Variants in SP140 observed in about 807,000 individuals in gnomAD.
The protein encoded by SP140 is SP140 nuclear body protein, also known as nuclear body protein SP140.
SP140 carries 81 observed loss-of-function variants against 125.0 expected under a neutral mutation model. The ratio of observed to expected loss-of-function variants is 0.65; its 90% CI spans 0.54 to 0.78. SP140 has a LOEUF of 0.78. Among genes scored for constraint, SP140 ranks in the 30% least tolerant of loss-of-function variants. The pLI, the probability that SP140 is intolerant of heterozygous loss-of-function variation, is 0.00. For missense variants in SP140, 858 were observed against 1,037.0 expected (o/e 0.83, Z 2.37); for synonymous variants, 312 against 354.0 (o/e 0.88, Z 1.33).
chr2:230,299,833 C>T (rs931589115), intron 22 of SP140, among the ~76,000 whole-genome samples: 2 of 152,248 alleles, frequency 1.3e-5, no homozygotes, highest in African/African-American at 4.8e-5. Flanking sequence ...AAGCCTGTCA[C>T]TGCCGGCTTC....
intron 12 of SP140, among the ~76,000 whole-genome samples, chr2:230,262,579 G>A (rs1162930557): frequency 1.3e-5 from 2 of 152,030 alleles, no homozygotes; most frequent in Non-Finnish European, 2.9e-5. Context: ...TCTGATGTAG[G>A]TGTTCAGGGC....
chr2:230,300,352 C>A (rs1011815067), intron 22 of SP140, among the ~76,000 whole-genome samples: 1 of 152,152 alleles, frequency 6.6e-6, no homozygotes, highest in Admixed American at 6.5e-5. Flanking sequence ...TTTGAGAAAA[C>A]CAGTGTACTA....
At chr2:230,225,687 A>C (rs759597114), upstream of SP140, 2 of 696,132 alleles carry the variant, frequency 2.9e-6, no homozygotes, top group Non-Finnish European at 5.3e-6. Flanking sequence ...TGGAGGGAGG[A>C]CTGTAGAGTT....
chr2:230,230,525 G>T (rs1047725007), intron 1 of SP140: 4 of 152,194 alleles, frequency 2.6e-5, no homozygotes, highest in Non-Finnish European at 5.9e-5. Flanking sequence ...AGAGCAAGGA[G>T]GGGGTAAGTT....
Position 230,269,902 on chromosome 2 carries a change from C to T in SP140, c.1393C>T (p.Pro465Ser), listed in dbSNP as rs748570662. The stretch of plus-strand genomic sequence containing the variant: ...TGTCATGTGTTTCTCAGAAGAGGTG[C>T]CAGGAAGCCCAGAAGCAAGGACGGA... ...SCVMCFSEEV[P>S]GSPEARTESD... The change falls in exon 14 of 27, where the codon CCA becomes TCA. Residue 465 changes from proline (P) to serine (S), a missense_variant. By Grantham distance (74) the Pro-to-Ser change is moderately conservative (BLOSUM62 -1). This residue lies in a region of SP140 where 791 missense variants were observed against 869.5 expected (regional missense o/e 0.91). Transcript: ENST00000392045. 2.5e-6 allele frequency: 4 copies of T among 1,613,940 alleles called. No individual in the cohort carries two copies. In the Admixed American group the frequency reaches 6.7e-5, roughly 27 times the overall value.
chr2:230,224,450 AGAGGGAGAGG>A (rs1269857018), upstream of SP140, among the ~76,000 whole-genome samples: 23 of 81,286 alleles, frequency 2.8e-4, no homozygotes, highest in Admixed American at 6.7e-4. Context: ...GGAGGGAGAG[AGAGGGAGAGG>A]GAGGGAGAGG....
Position 230,247,941 on chromosome 2 carries a change from T to C in SP140, c.768T>C (p.Asp256=), listed in dbSNP as rs767091063. 22 of 1,613,502 alleles carry C rather than the reference T, an allele frequency of 1.4e-5. No homozygotes were observed. Among genetic ancestry groups the C allele is most frequent in the Middle Eastern group, 1.6e-4 (1 of 6,076 alleles). Residue 256 remains aspartate (D), a synonymous_variant, in exon 8 of 27, where the codon GAT becomes GAC. Coordinates refer to ENST00000392045, the MANE Select transcript of SP140 (RefSeq NM_007237.5). The stretch of plus-strand genomic sequence containing the variant: ...TTCTAGAAAGCAACGGGATGATAGA[T>C]GCGGCAAGGACATACAGCACAGCAC... ...TEVLESNGMI[D]AARTYSTAPG...
chr2:230,261,385 A>C (rs908582490), intron 12 of SP140, among the ~76,000 whole-genome samples: 3 of 152,166 alleles, frequency 2.0e-5, no homozygotes, highest in Non-Finnish European at 2.9e-5. Context: ...GTATACAGTC[A>C]TATCATCAGC....
intron 15 of SP140, among the ~76,000 whole-genome samples, chr2:230,280,706 A>G (rs954011248): frequency 6.6e-5 from 10 of 152,178 alleles, no homozygotes; most frequent in African/African-American, 1.9e-4. Context: ...TGGTTTCACT[A>G]CAAACTGAAC....
chr2:230,212,495 T>C, intron 1 of SP140: 1 of 1,313,524 alleles, frequency 7.6e-7, no homozygotes, highest in Non-Finnish European at 1.1e-6. Context: ...GAGTGAATGT[T>C]AAAAGTGCCT....
chr2:230,253,485 C>G, intron 11 of SP140, 68 bp downstream of exon 11: 1 of 1,166,704 alleles, frequency 8.6e-7, no homozygotes, highest in Non-Finnish European at 1.3e-6. Context: ...GGGAAAAAAG[C>G]TTCCCTTTCT....
intron 3 of SP140, among the ~76,000 whole-genome samples, chr2:230,240,625 C>T (rs941916570): frequency 3.3e-5 from 5 of 152,186 alleles, no homozygotes; most frequent in Non-Finnish European, 7.3e-5. Flanking sequence ...CATTCACTCA[C>T]TAGAATTGCT....
At chr2:230,245,439 G>A (rs1173701057) in intron 6 of SP140, among the ~76,000 whole-genome samples, 1 of 152,098 alleles carries the variant, frequency 6.6e-6, no homozygotes, top group African/African-American at 2.4e-5. Context: ...GGATTATTTA[G>A]GAATAATGAA....
At chr2:230,232,991 G>A (rs1259346523) in intron 1 of SP140, among the ~76,000 whole-genome samples, 1 of 151,908 alleles carries the variant, frequency 6.6e-6, no homozygotes, top group Non-Finnish European at 1.5e-5. Flanking sequence ...TTTTATCTCT[G>A]TTATGTCTCT....
intron 3 of SP140, chr2:230,238,676 A>G: frequency 5.5e-6 from 6 of 1,093,070 alleles, no homozygotes; most frequent in Non-Finnish European, 8.1e-6. Context: ...GGAATACATG[A>G]GTGATGTCTT....
At chr2:230,212,333 C>T in intron 1 of SP140, 1 of 1,590,662 alleles carries the variant, frequency 6.3e-7, no homozygotes. Context: ...GGTATCAGCC[C>T]CAGTCAGTGT....
At chr2:230,240,642 A>T (rs183387444) in intron 3 of SP140, among the ~76,000 whole-genome samples, 2 of 152,234 alleles carry the variant, frequency 1.3e-5, no homozygotes, top group Non-Finnish European at 2.9e-5. Flanking sequence ...TGCTAAAATT[A>T]AAAAGACTGA....
intron 9 of SP140, among the ~76,000 whole-genome samples, 194 bp downstream of exon 9, chr2:230,249,162 C>G (rs2049966177): frequency 6.6e-6 from 1 of 152,018 alleles, no homozygotes; most frequent in South Asian, 2.1e-4. Context: ...TGAGCTGAGC[C>G]CCTGAGTGGG....
intron 22 of SP140, among the ~76,000 whole-genome samples, chr2:230,301,967 G>T (rs1031397489): frequency 1.3e-5 from 2 of 152,088 alleles, no homozygotes; most frequent in Non-Finnish European, 2.9e-5. Flanking sequence ...CACCAAAAGC[G>T]AGCAGGAGTA....
Sources: allele counts gnomAD v4.1 joint callset (sites outside exome capture counted in the v4.1 genomes callset), GRCh38; gene constraint gnomAD v4.1.1; regional missense constraint gnomAD v4.1.1; transcripts MANE v1.5; gene names NCBI Gene and HGNC (gene_info 2026-07-23, HGNC 2026-07-21).